Variants in CADPS observed in about 807,000 individuals in gnomAD.
The protein encoded by CADPS is calcium-dependent secretion activator 1.
Under a neutral mutation model 167.3 loss-of-function variants are expected in CADPS, and 57 were observed. That is an observed-to-expected ratio of 0.34 (90% CI 0.28 to 0.42). CADPS has a LOEUF of 0.42. Ranked by LOEUF, CADPS falls within the 20% of genes least tolerant of loss-of-function variation. The pLI is 1.00. For missense variants in CADPS, 1,414 were observed against 1,738.1 expected, an observed-to-expected ratio of 0.81 and a Z score of 3.32; for synonymous variants, 676 against 635.3, an observed-to-expected ratio of 1.06 and a Z score of -0.96.
intron 3 of CADPS, among the ~76,000 whole-genome samples, chr3:62,678,290 T>C (rs993212787): frequency 6.6e-6 from 1 of 152,112 alleles, no homozygotes; most frequent in Non-Finnish European, 1.5e-5. Flanking sequence ...AGGAGGTTTC[T>C]AGAAGGCAAT....
intron 29 of CADPS, among the ~76,000 whole-genome samples, chr3:62,400,288 A>G (rs2148993342): frequency 6.6e-6 from 1 of 152,330 alleles, no homozygotes; most frequent in South Asian, 2.1e-4. Context: ...TTACTGCACC[A>G]CAAGTTCTTT....
At chr3:62,647,743 A>G (rs954170912) in intron 5 of CADPS, among the ~76,000 whole-genome samples, 8 of 152,238 alleles carry the variant, frequency 5.3e-5, no homozygotes, top group African/African-American at 1.4e-4. Flanking sequence ...AATTTAAAAT[A>G]TCTGACTTCA....
chr3:62,457,222 A>G (rs1015163652), intron 26 of CADPS, among the ~76,000 whole-genome samples: 2 of 152,186 alleles, frequency 1.3e-5, no homozygotes, highest in African/African-American at 4.8e-5. Context: ...ATTTAATTCT[A>G]CCCACACCAC....
intron 12 of CADPS, among the ~76,000 whole-genome samples, chr3:62,534,240 A>G (rs116369302): frequency 6.6e-6 from 1 of 152,206 alleles, no homozygotes; most frequent in Non-Finnish European, 1.5e-5. Flanking sequence ...TCTCTGAGTC[A>G]TCTTTTGAAT....
chr3:62,705,028 T>C (rs1404229505), intron 3 of CADPS, among the ~76,000 whole-genome samples: 2 of 152,068 alleles, frequency 1.3e-5, no homozygotes, highest in African/African-American at 2.4e-5. Context: ...TTGATGATGC[T>C]TGGGATTCCA....
At chr3:62,541,907 G>A (rs940568272) in intron 11 of CADPS, among the ~76,000 whole-genome samples, 1 of 151,980 alleles carries the variant, frequency 6.6e-6, no homozygotes, top group East Asian at 1.9e-4. Context: ...AGATAGACTT[G>A]CAATAATGTC....
intron 6 of CADPS, among the ~76,000 whole-genome samples, chr3:62,638,184 G>A (rs191305294): frequency 1.8e-4 from 28 of 151,842 alleles, no homozygotes; most frequent in African/African-American, 5.1e-4. Flanking sequence ...AGCGGAAATA[G>A]GAACGCAGTG....
At chr3:62,522,930 C>A (rs1300823632) in intron 13 of CADPS, among the ~76,000 whole-genome samples, 1 of 152,180 alleles carries the variant, frequency 6.6e-6, no homozygotes, top group African/African-American at 2.4e-5. Context: ...AGAAATGAGT[C>A]TCTCCAGCCA....
intron 6 of CADPS, among the ~76,000 whole-genome samples, chr3:62,615,647 G>A (rs1298480894): frequency 6.6e-6 from 1 of 152,128 alleles, no homozygotes; most frequent in Non-Finnish European, 1.5e-5. Flanking sequence ...TTGGCTAACA[G>A]TGACTGTCTC....
chr3:62,708,284 TTGTATA>T (rs2082701370), intron 3 of CADPS, among the ~76,000 whole-genome samples: 1 of 151,972 alleles, frequency 6.6e-6, no homozygotes, highest in Admixed American at 6.5e-5. Flanking sequence ...ATGATGTTAT[TTGTATA>T]TGTATTATAT....
chr3:62,713,468 C>T (rs1056169959), intron 3 of CADPS, among the ~76,000 whole-genome samples: 3 of 152,212 alleles, frequency 2.0e-5, no homozygotes, highest in African/African-American at 4.8e-5. Context: ...AGGGCAATGA[C>T]CTGGAAGTGG....
intron 3 of CADPS, among the ~76,000 whole-genome samples, chr3:62,691,420 G>T (rs1425102053): frequency 6.6e-6 from 1 of 151,924 alleles, no homozygotes; most frequent in East Asian, 1.9e-4. Context: ...CTGTGTCTGT[G>T]TAGGGGAAGG....
intron 3 of CADPS, among the ~76,000 whole-genome samples, chr3:62,744,555 T>C (rs953883025): frequency 1.3e-5 from 2 of 152,204 alleles, no homozygotes; most frequent in Admixed American, 1.3e-4. Context: ...GTTAGTAAAA[T>C]ATCTCTATTT....
At chr3:62,652,226 A>C (rs2070335977) in intron 4 of CADPS, among the ~76,000 whole-genome samples, 1 of 151,936 alleles carries the variant, frequency 6.6e-6, no homozygotes, top group Non-Finnish European at 1.5e-5. Flanking sequence ...TTCTCACCCA[A>C]AGTCTAACTT....
At chr3:62,618,530 A>G (rs1290882408) in intron 6 of CADPS, among the ~76,000 whole-genome samples, 1 of 152,136 alleles carries the variant, frequency 6.6e-6, no homozygotes, top group Non-Finnish European at 1.5e-5. Context: ...AGTTCTGTTA[A>G]TTGCACCAGA....
intron 1 of CADPS, among the ~76,000 whole-genome samples, chr3:62,820,847 C>T (rs997564236): frequency 4.2e-5 from 6 of 143,728 alleles, no homozygotes; most frequent in Non-Finnish European, 9.0e-5. Context: ...TGTCACCAGG[C>T]TGGAGTGCAG....
At position 62,585,167 on chromosome 3, in the gene CADPS, TG is replaced by T; in HGVS notation, c.1577+17del. 1 of 1,611,960 alleles carries T rather than the reference TG, an allele frequency of 6.2e-7. No individual in the cohort carries two copies. The highest frequency in any genetic ancestry group is 8.5e-7 in the Non-Finnish European group (1 of 1,178,124). On this transcript the variant is annotated intron_variant, in intron 8 of 29. Transcript: ENST00000383710. ...CAGACGTGTGTCCAAAACTGCTAGT[TG>T]GGGAAGAAACACTTACCCAGAATGC... is the stretch of plus-strand genomic sequence containing the variant.
intron 3 of CADPS, among the ~76,000 whole-genome samples, chr3:62,671,439 T>C (rs1281752942): frequency 6.6e-6 from 1 of 152,120 alleles, no homozygotes; most frequent in Non-Finnish European, 1.5e-5. Flanking sequence ...ACCAAGGGTA[T>C]AGAGGAAGCA....
At chr3:62,400,805 G>A (rs934907820) in intron 29 of CADPS, among the ~76,000 whole-genome samples, 2 of 151,824 alleles carry the variant, frequency 1.3e-5, no homozygotes, top group Admixed American at 6.6e-5. Flanking sequence ...TCACCATGTT[G>A]GCCAGGATGG....
Sources: gnomAD v4.1 joint callset for allele counts (sites outside exome capture counted in the v4.1 genomes callset) on GRCh38, gnomAD v4.1.1 for gene constraint, MANE v1.5 for transcripts, NCBI Gene and HGNC (gene_info 2026-07-23, HGNC 2026-07-21) for gene names.